Variants in OTUD7A observed in about 807,000 individuals in gnomAD.
OTUD7A encodes OTU deubiquitinase 7A, also known as OTU domain-containing protein 7A.
OTUD7A carries 12 observed loss-of-function variants against 65.7 expected under a neutral mutation model. That is an observed-to-expected ratio of 0.18 (90% CI 0.12 to 0.30). The LOEUF (loss-of-function observed/expected upper bound fraction) is 0.30, where lower values mean the gene tolerates loss of function less well. OTUD7A is among the 10% of genes least tolerant of loss of function. OTUD7A has a pLI of 1.00. For missense variants in OTUD7A, 1,148 were observed against 1,304.8 expected (o/e 0.88, Z 1.85); for synonymous variants, 641 against 586.3 (o/e 1.09, Z -1.35).
intron 1 of OTUD7A, among the ~76,000 whole-genome samples, chr15:31,845,846 C>T (rs1446374104): frequency 1.3e-5 from 2 of 152,242 alleles, no homozygotes; most frequent in Non-Finnish European, 2.9e-5. Context: ...AATCCACAGA[C>T]CCGTTGGGGG....
intron 1 of OTUD7A, among the ~76,000 whole-genome samples, chr15:31,847,425 G>A (rs754991891): frequency 6.6e-6 from 1 of 152,126 alleles, no homozygotes; most frequent in African/African-American, 2.4e-5. Context: ...CCTTTACTAC[G>A]AGAAGGAGGC....
intron 1 of OTUD7A, among the ~76,000 whole-genome samples, chr15:31,660,680 T>C (rs1395151477): frequency 6.6e-6 from 1 of 152,216 alleles, no homozygotes; most frequent in African/African-American, 2.4e-5. Flanking sequence ...GGAAAGGTGC[T>C]TCTTTCTGAG....
chr15:31,805,827 T>C (rs1450070619), intron 1 of OTUD7A, among the ~76,000 whole-genome samples: 1 of 152,172 alleles, frequency 6.6e-6, no homozygotes, highest in African/African-American at 2.4e-5. Context: ...ACTACAAATA[T>C]CTACATTTAA....
At chr15:31,559,279 ACACACACACAGGTACACATTCATG>A in intron 4 of OTUD7A, 92 bp from the exon 5 acceptor site, 2 of 1,170,084 alleles carry the variant, frequency 1.7e-6, no homozygotes, top group Non-Finnish European at 2.4e-6. Flanking sequence ...CACACACAAT[ACACACACACAGGTACACATTCATG>A]CACACAGACC....
At chr15:31,604,434 G>A (rs1465551765) in intron 3 of OTUD7A, among the ~76,000 whole-genome samples, 1 of 152,068 alleles carries the variant, frequency 6.6e-6, no homozygotes, top group Non-Finnish European at 1.5e-5. Context: ...TCACACATCG[G>A]GGCCTGTTGA....
Position 31,833,328 on chromosome 15 carries a change from G to A in OTUD7A, c.-100+37179C>T, listed in dbSNP as rs555935122. 2.6e-5 allele frequency among the ~76,000 whole-genome samples: 4 copies of A among 152,304 alleles called. No individual in the cohort carries two copies. The East Asian group carries it at 7.7e-4, about 29-fold the overall frequency. ...ATCTCCCTACACATTTGCCCACGAGGTTTGGCCAATACACATTTGATGCAA... is the reference window on the plus strand; with the variant it reads ...ATCTCCCTACACATTTGCCCACGAGATTTGGCCAATACACATTTGATGCAA... On this transcript the variant is annotated intron_variant, in intron 1 of 12. Coordinates refer to ENST00000307050, the MANE Select transcript of OTUD7A (RefSeq NM_001382637.1).
intron 1 of OTUD7A, among the ~76,000 whole-genome samples, chr15:31,715,241 C>T (rs527848383): frequency 2.0e-5 from 3 of 151,426 alleles, no homozygotes; most frequent in African/African-American, 7.3e-5. Flanking sequence ...CTTTCCAAGC[C>T]TTCGACTGTC....
chr15:31,559,278 TACAC>T, intron 4 of OTUD7A, 91 bp from the exon 5 acceptor site: 1 of 1,199,840 alleles, frequency 8.3e-7, no homozygotes, highest in Non-Finnish European at 1.2e-6. Context: ...GCACACACAA[TACAC>T]ACACACAGGT....
chr15:31,821,498 T>C (rs1333590322), intron 1 of OTUD7A, among the ~76,000 whole-genome samples: 1 of 152,056 alleles, frequency 6.6e-6, no homozygotes, highest in Admixed American at 6.5e-5. Flanking sequence ...AATATGCCAT[T>C]GTATATTACA....
At chr15:31,789,306 C>T (rs1895754281) in intron 1 of OTUD7A, among the ~76,000 whole-genome samples, 1 of 152,184 alleles carries the variant, frequency 6.6e-6, no homozygotes, top group Non-Finnish European at 1.5e-5. Flanking sequence ...GTTCCTCTCC[C>T]ACTGTGGTGT....
intron 1 of OTUD7A, among the ~76,000 whole-genome samples, chr15:31,696,645 C>T (rs1464611116): frequency 2.1e-4 from 32 of 149,956 alleles, no homozygotes; most frequent in Non-Finnish European, 4.3e-4. Flanking sequence ...CTCAGAGGCA[C>T]GCGTCCTGGT....
At chr15:31,786,670 A>G (rs138363638) in intron 1 of OTUD7A, among the ~76,000 whole-genome samples, 23 of 152,276 alleles carry the variant, frequency 1.5e-4, no homozygotes, top group Non-Finnish European at 2.9e-4. Context: ...AGGTGTCCCT[A>G]AGAAGGAAGC....
chr15:31,684,284 A>G (rs8024973), intron 1 of OTUD7A, among the ~76,000 whole-genome samples: 11,888 of 152,114 alleles, frequency 0.078, 1,117 homozygotes, highest in African/African-American at 0.23. Context: ...GAGAAAGGAG[A>G]TGGGAGAAGC....
intron 4 of OTUD7A, among the ~76,000 whole-genome samples, chr15:31,567,790 C>T (rs1206849665): frequency 6.6e-6 from 1 of 152,222 alleles, no homozygotes; most frequent in African/African-American, 2.4e-5. Flanking sequence ...CTGGCTGCTC[C>T]AGCTCCAGCC....
At chr15:31,598,935 C>G (rs12909072) in intron 3 of OTUD7A, among the ~76,000 whole-genome samples, 21 of 151,834 alleles carry the variant, frequency 1.4e-4, no homozygotes, top group Non-Finnish European at 3.1e-4. Context: ...GCAAGGCCGC[C>G]GTGGCCAGAC....
chr15:31,774,872 T>A (rs905432), intron 1 of OTUD7A, among the ~76,000 whole-genome samples: 1 of 151,420 alleles, frequency 6.6e-6, no homozygotes, highest in Non-Finnish European at 1.5e-5. Flanking sequence ...ACCACCCAAG[T>A]GGATTGTGAC....
intron 1 of OTUD7A, among the ~76,000 whole-genome samples, chr15:31,832,563 T>C (rs1444439659): frequency 2.6e-5 from 4 of 152,250 alleles, no homozygotes; most frequent in Non-Finnish European, 4.4e-5. Flanking sequence ...TGTTTTCATC[T>C]TGTAAAACGG....
chr15:31,566,465 G>A (rs192192762), intron 4 of OTUD7A, among the ~76,000 whole-genome samples: 20 of 152,246 alleles, frequency 1.3e-4, no homozygotes, highest in East Asian at 1.9e-4. Context: ...CAAAGTATGC[G>A]AACAGCCACG....
intron 1 of OTUD7A, among the ~76,000 whole-genome samples, chr15:31,723,007 G>C (rs8031978): frequency 0.7 from 106,507 of 151,952 alleles, 37,643 homozygotes; most frequent in South Asian, 0.79. Flanking sequence ...AGCGTTGCTG[G>C]AAAGATGACC....
Sources: allele counts gnomAD v4.1 joint callset (sites outside exome capture counted in the v4.1 genomes callset), GRCh38; gene constraint gnomAD v4.1.1; transcripts MANE v1.5; gene names NCBI Gene and HGNC (gene_info 2026-07-23, HGNC 2026-07-21).